The following SPOPL variants were observed in gnomAD, a reference collection of about 807,000 sequenced individuals.
The protein encoded by SPOPL is speckle type BTB/POZ protein like.
A neutral mutation model predicts 53.8 loss-of-function variants in SPOPL; 23 were observed. The observed-to-expected ratio is 0.43, with a 90% CI of 0.31 to 0.61. The LOEUF is 0.61. Ranked by LOEUF, SPOPL falls within the 20% of genes least tolerant of loss-of-function variation. The pLI, the probability that SPOPL is intolerant of heterozygous loss-of-function variation, is 0.12. For missense variants in SPOPL, 442 were observed against 466.9 expected (o/e 0.95, Z 0.49); for synonymous variants, 164 against 149.7 (o/e 1.10, Z -0.70).
chr2:138,510,999 C>T (rs533254773), intron 1 of SPOPL, among the ~76,000 whole-genome samples: 9 of 152,268 alleles, frequency 5.9e-5, no homozygotes, highest in Non-Finnish European at 4.4e-5. Context: ...TAGAAAAGCT[C>T]AAGTGGGGCA....
chr2:138,509,147 T>G (rs946056887), intron 1 of SPOPL, among the ~76,000 whole-genome samples: 2 of 152,184 alleles, frequency 1.3e-5, no homozygotes, highest in African/African-American at 4.8e-5. Flanking sequence ...AGATAGGAGA[T>G]ACGTATATGT....
At position 138,559,152 on chromosome 2, in the gene SPOPL, T is replaced by G; in HGVS notation, c.611T>G (p.Phe204Cys). 1 of 1,613,798 alleles carries G rather than the reference T, an allele frequency of 6.2e-7. No homozygotes were observed. The highest frequency in any genetic ancestry group is 8.5e-7 in the Non-Finnish European group (1 of 1,179,842). ...WENTRFTDCS[F>C]FVRGQEFKAH... ...AACACAAGATTTACAGACTGCAGTT[T>G]TTTCGTGAGAGGACAAGAATTTAAA... The change falls in exon 6 of 11, where the codon TTT (phenylalanine) becomes TGT (cysteine). Residue 204 changes from phenylalanine (F) to cysteine (C), a missense_variant. By Grantham distance (205) the Phe-to-Cys change is radical. Coordinates refer to ENST00000280098, the MANE Select transcript of SPOPL (RefSeq NM_001001664.3).
Position 138,520,315 on chromosome 2 carries a change from CTG to C in SPOPL, c.-61+18198_-61+18199del, listed in dbSNP as rs1573873609. Among the ~76,000 whole-genome samples, 3 of 152,284 alleles carry C rather than the reference CTG, an allele frequency of 2.0e-5. 1 individual carries two copies. The South Asian group carries it at 6.2e-4, about 32-fold the overall frequency. On this transcript the variant is annotated intron_variant, in intron 1 of 10. Transcript: ENST00000280098. ...GCTCAAGTAAATTTGTTTTTAGAGA[CTG>C]TAGTGAACTTGAAGGTACTGCTTTG...
chr2:138,523,779 T>C (rs1380556114), intron 1 of SPOPL, among the ~76,000 whole-genome samples: 3 of 152,214 alleles, frequency 2.0e-5, no homozygotes, highest in Admixed American at 2.0e-4. Flanking sequence ...GCCATGCTGA[T>C]GCAACATCCT....
intron 1 of SPOPL, among the ~76,000 whole-genome samples, chr2:138,528,107 C>T (rs1684716866): frequency 6.6e-6 from 1 of 152,172 alleles, no homozygotes; most frequent in Non-Finnish European, 1.5e-5. Context: ...AATTGGCGCT[C>T]TCACAAGAGA....
chr2:138,502,413 G>A lies in SPOPL; in HGVS notation c.-61+294G>A, dbSNP rs552156467. On this transcript the variant is annotated intron_variant, in intron 1 of 10. Coordinates refer to ENST00000280098, the MANE Select transcript of SPOPL (RefSeq NM_001001664.3). The stretch of plus-strand genomic sequence containing the variant: ...GGATCCCCTTTAGTTTTACCCCCGG[G>A]CCTCGCCCCTTCTTTTCCTCTGGCT... Among the ~76,000 whole-genome samples, 3 of 152,136 alleles carry A rather than the reference G, an allele frequency of 2.0e-5. No individual in the cohort carries two copies. In the East Asian group the frequency reaches 5.8e-4, roughly 29 times the overall value.
intron 1 of SPOPL, among the ~76,000 whole-genome samples, chr2:138,502,393 C>T (rs954840052): frequency 6.6e-6 from 1 of 152,220 alleles, no homozygotes; most frequent in African/African-American, 2.4e-5. Flanking sequence ...TTCCAGGATC[C>T]CCTTTAGTTT....
In SPOPL at chr2:138,530,089, T is replaced by C. The variant is rs375100505; in HGVS notation, c.-60-20068T>C. Among the ~76,000 whole-genome samples the C allele has an allele frequency of 3.9e-3, 589 of 152,334 alleles. 3 individuals carry two copies. The highest frequency in any genetic ancestry group is 0.013 in the African/African-American group (555 of 41,580). The stretch of plus-strand genomic sequence containing the variant: ...CCTGTGGTATTTGGTTTTCTGTTCC[T>C]GTGTTAGTTTGCTAAAGATAATGGC... On this transcript the variant is annotated intron_variant, in intron 1 of 10. Transcript: ENST00000280098.
At chr2:138,559,613 C>A (rs1388306969) in intron 7 of SPOPL, among the ~76,000 whole-genome samples, 3 of 152,150 alleles carry the variant, frequency 2.0e-5, no homozygotes, top group Non-Finnish European at 4.4e-5. Context: ...AAGGACTATT[C>A]TGGTCCATAG....
In SPOPL at chr2:138,572,705, C is replaced by G. The variant is rs1417927507; in HGVS notation, c.*3625C>G. 2 of 152,558 alleles carry G rather than the reference C, an allele frequency of 1.3e-5. No homozygotes were observed. Among genetic ancestry groups the G allele is most frequent in the African/African-American group, 2.4e-5 (1 of 41,434 alleles). 9.5% of individuals were successfully genotyped at this position (152,558 alleles called of 1,614,324 possible). A position where few individuals can be genotyped will look rare whatever the true frequency, so the allele number is the denominator to read the frequency against. ...CTATAAAGACAGCACTTTCCGCACA[C>G]AAAGTGTATTTTACAAACCTTTTTT... On this transcript the variant is annotated 3_prime_UTR_variant, in exon 11 of 11. Transcript: ENST00000280098.
rs868527187 is a variant in SPOPL at position 138,543,523 on chromosome 2, G to A, written c.-60-6634G>A. Among the ~76,000 whole-genome samples, 14 of 152,134 alleles carry A rather than the reference G, an allele frequency of 9.2e-5. No homozygotes were observed. The Middle Eastern group carries it at 0.01, about 111-fold the overall frequency. ...CTGATACCCTTTCTTTCAGTTGGTC[G>A]CATTGGCTACTGAGGCTTGTGCATT... is the stretch of plus-strand genomic sequence containing the variant. On this transcript the variant is annotated intron_variant, in intron 1 of 10. Transcript: ENST00000280098.
intron 1 of SPOPL, among the ~76,000 whole-genome samples, chr2:138,512,258 TTTA>T (rs1388641275): frequency 6.6e-6 from 1 of 152,202 alleles, no homozygotes; most frequent in Non-Finnish European, 1.5e-5. Context: ...AAATTACATT[TTTA>T]TTTTCATAAA....
intron 1 of SPOPL, among the ~76,000 whole-genome samples, chr2:138,504,432 G>A (rs1028781053): frequency 7.2e-5 from 11 of 152,174 alleles, no homozygotes; most frequent in Non-Finnish European, 1.2e-4. Flanking sequence ...AACAGGGCAG[G>A]TTGAAGAAAA....
chr2:138,545,143 G>A (rs998305401), intron 1 of SPOPL, among the ~76,000 whole-genome samples: 2 of 152,164 alleles, frequency 1.3e-5, no homozygotes, highest in African/African-American at 4.8e-5. Context: ...GGTGAAACTG[G>A]CCCTTCAGTC....
intron 5 of SPOPL, among the ~76,000 whole-genome samples, chr2:138,553,857 T>C (rs1685364803): frequency 6.6e-6 from 1 of 152,144 alleles, no homozygotes; most frequent in Non-Finnish European, 1.5e-5. Context: ...GTAGTCTAAA[T>C]AAATATAGGT....
intron 1 of SPOPL, among the ~76,000 whole-genome samples, chr2:138,507,940 T>G (rs1272599377): frequency 6.6e-6 from 1 of 152,244 alleles, no homozygotes; most frequent in Non-Finnish European, 1.5e-5. Context: ...TTTAGTTATA[T>G]TCCAGTGACT....
At chr2:138,536,569 C>G (rs1184823502) in intron 1 of SPOPL, among the ~76,000 whole-genome samples, 1 of 152,186 alleles carries the variant, frequency 6.6e-6, no homozygotes, top group Non-Finnish European at 1.5e-5. Context: ...ACTTTGGTTT[C>G]CTTTGAAGAA....
chr2:138,528,075 T>G (rs1172427072), intron 1 of SPOPL, among the ~76,000 whole-genome samples: 1 of 152,212 alleles, frequency 6.6e-6, no homozygotes. Context: ...TAGTCCAACC[T>G]GTATCCTGTT....
At chr2:138,524,881 C>T (rs990548930) in intron 1 of SPOPL, among the ~76,000 whole-genome samples, 1 of 152,180 alleles carries the variant, frequency 6.6e-6, no homozygotes, top group African/African-American at 2.4e-5. Context: ...TCTGAGCCCT[C>T]CAGACTGTTC....
Sources: gnomAD v4.1 joint callset for allele counts (sites outside exome capture counted in the v4.1 genomes callset) on GRCh38, gnomAD v4.1.1 for gene constraint, MANE v1.5 for transcripts, NCBI Gene and HGNC (gene_info 2026-07-23, HGNC 2026-07-21) for gene names.